Variants in PDZK1 observed in about 807,000 individuals in gnomAD.
PDZK1 encodes PDZ domain containing 1, also known as Na(+)/H(+) exchange regulatory cofactor NHE-RF3.
In PDZK1, 23 loss-of-function variants were observed where a neutral mutation model predicts 38.1. The ratio of observed to expected loss-of-function variants is 0.60; its 90% CI spans 0.43 to 0.85. The LOEUF is 0.85. PDZK1 is among the 40% of genes least tolerant of loss of function. The probability of loss-of-function intolerance (pLI) is 0.00; values close to 1 mark genes in which losing one functional copy is unlikely to be tolerated. For synonymous variants in PDZK1, 98 were observed against 186.2 expected (o/e 0.53, Z 3.86); for missense variants, 297 against 504.3 (o/e 0.59, Z 3.94).
At chr1:145,697,104 G>A (rs1209798771) in intron 1 of PDZK1, among the ~76,000 whole-genome samples, 1 of 152,196 alleles carries the variant, frequency 6.6e-6, no homozygotes, top group Non-Finnish European at 1.5e-5. Context: ...GAGGCGGGTA[G>A]ATCATTTGAG....
At position 145,671,341 on chromosome 1, in the gene PDZK1, G is replaced by A. The variant is rs2101857884; in HGVS notation, c.*95C>T. ...GTGGAGTTTTTCTTCTAAAGAGACA[G>A]TAAACAGGTCACAACTCATTCCTTG... is the stretch of plus-strand genomic sequence containing the variant. On this transcript the variant is annotated 3_prime_UTR_variant, in exon 9 of 9. Coordinates refer to ENST00000417171, the MANE Select transcript of PDZK1 (RefSeq NM_001201325.2). The A allele has an allele frequency of 6.3e-7, 1 of 1,594,448 alleles. No homozygotes were observed. The highest frequency in any genetic ancestry group is 8.6e-7 in the Non-Finnish European group (1 of 1,168,792).
At chr1:145,699,213 G>A (rs1553704651) in intron 1 of PDZK1, among the ~76,000 whole-genome samples, 1 of 151,852 alleles carries the variant, frequency 6.6e-6, no homozygotes, top group Non-Finnish European at 1.5e-5. Context: ...ACTCCAGCCT[G>A]GGCAACGAGT....
intron 3 of PDZK1, among the ~76,000 whole-genome samples, chr1:145,686,023 T>G (rs1219977801): frequency 1.3e-5 from 2 of 152,276 alleles, no homozygotes; most frequent in African/African-American, 4.8e-5. Context: ...AAGAATTTGT[T>G]GAATAAATGA....
Position 145,674,897 on chromosome 1 carries a change from G to A in PDZK1, c.991-1016C>T, listed in dbSNP as rs587663194. ...TTTTATCACTATCCAAAGATTCAAA[G>A]CTACTAGAAGAGACCAACCCATATA... On this transcript the variant is annotated intron_variant, in intron 6 of 8. Transcript: ENST00000417171. Among the ~76,000 whole-genome samples the A allele has an allele frequency of 1.2e-4, 18 of 152,180 alleles. No individual in the cohort carries two copies. In the South Asian group the frequency reaches 3.5e-3, roughly 30 times the overall value.
At chr1:145,700,585 A>G (rs1655901612) in intron 1 of PDZK1, among the ~76,000 whole-genome samples, 1 of 152,200 alleles carries the variant, frequency 6.6e-6, no homozygotes, top group African/African-American at 2.4e-5. Flanking sequence ...AAGATCAGAG[A>G]GAGGGCATGG....
At chr1:145,690,026 G>A (rs1479668286) in intron 1 of PDZK1, among the ~76,000 whole-genome samples, 1 of 152,204 alleles carries the variant, frequency 6.6e-6, no homozygotes, top group African/African-American at 2.4e-5. Flanking sequence ...GAGCATTGAG[G>A]CAAGAAAACA....
intron 6 of PDZK1, among the ~76,000 whole-genome samples, chr1:145,675,216 A>C (rs1450155492): frequency 1.3e-5 from 2 of 149,410 alleles, no homozygotes; most frequent in African/African-American, 2.6e-5. Flanking sequence ...ATTTTTTTGT[A>C]ATAGAATTAC....
chr1:145,685,227 G>C (rs1315724055), intron 3 of PDZK1, among the ~76,000 whole-genome samples: 1 of 151,736 alleles, frequency 6.6e-6, no homozygotes, highest in East Asian at 2.0e-4. Context: ...GATAAGGGGG[G>C]ACTCTTGTAT....
intron 1 of PDZK1, among the ~76,000 whole-genome samples, chr1:145,697,951 T>A (rs1655733615): frequency 6.6e-6 from 1 of 151,682 alleles, no homozygotes; most frequent in Admixed American, 6.6e-5. Flanking sequence ...AAGGAAACGA[T>A]CAGCATGTTT....
intron 1 of PDZK1, among the ~76,000 whole-genome samples, chr1:145,706,760 G>A (rs587615872): frequency 1.3e-5 from 2 of 152,206 alleles, no homozygotes; most frequent in South Asian, 4.2e-4. Flanking sequence ...GTGAGAGCCT[G>A]GGGAATGTAT....
chr1:145,679,168 CT>C (rs58403818), intron 5 of PDZK1, among the ~76,000 whole-genome samples: 331 of 136,858 alleles, frequency 2.4e-3, no homozygotes, highest in East Asian at 5.2e-3. Context: ...CAGATGCTGC[CT>C]TTTTTTTTTT....
Position 145,686,663 on chromosome 1 carries a change from A to T in PDZK1, c.274T>A (p.Tyr92Asn). ...ACCCGTGTTTTCACTGCTTTCTCATAGGAATCCCCATCCAGAACTAGTAAA... is the reference window on the plus strand; with the variant it reads ...ACCCGTGTTTTCACTGCTTTCTCATTGGAATCCCCATCCAGAACTAGTAAA... ...VTLLVLDGDSYEKAVKTRVDL... is the reference protein window; with the variant it reads ...VTLLVLDGDSNEKAVKTRVDL... The change falls in exon 3 of 9, where the codon TAT (tyrosine) becomes AAT (asparagine). Residue 92 changes from tyrosine (Y) to asparagine (N), a missense_variant. Transcript: ENST00000417171. 1.9e-6 allele frequency: 3 copies of T among 1,583,440 alleles called. No homozygotes were observed. The highest frequency in any genetic ancestry group is 1.3e-5 in the African/African-American group (1 of 74,210).
At chr1:145,692,092 C>G (rs1324845990) in intron 1 of PDZK1, among the ~76,000 whole-genome samples, 1 of 151,924 alleles carries the variant, frequency 6.6e-6, no homozygotes, top group African/African-American at 2.4e-5. Context: ...CAAGAAGAAA[C>G]ATTAAATACC....
intron 2 of PDZK1, 136 bp downstream of exon 2, chr1:145,687,676 A>G: frequency 1.4e-6 from 1 of 706,476 alleles, no homozygotes; most frequent in Non-Finnish European, 2.5e-6. Context: ...CACAAGGTAC[A>G]GCAATAAAGG....
intron 1 of PDZK1, among the ~76,000 whole-genome samples, chr1:145,706,247 T>G (rs1203981894): frequency 6.6e-6 from 1 of 152,204 alleles, no homozygotes; most frequent in African/African-American, 2.4e-5. Context: ...GAGAAGTAGC[T>G]GCCTAGCCAG....
intron 4 of PDZK1, 125 bp from the exon 5 acceptor site, chr1:145,681,232 G>C (rs1654216137): frequency 2.2e-6 from 1 of 448,798 alleles, no homozygotes; most frequent in African/African-American, 2.4e-5. Flanking sequence ...TGAAAGGCCT[G>C]AGTTTAAGCT....
chr1:145,694,226 A>G (rs1476431643), intron 1 of PDZK1, among the ~76,000 whole-genome samples: 2 of 151,990 alleles, frequency 1.3e-5, no homozygotes, highest in Admixed American at 1.3e-4. Flanking sequence ...CCTCCTCCAA[A>G]CCTATGGGCA....
Position 145,688,120 on chromosome 1 carries a change from T to A in PDZK1, c.-2-97A>T. 3.8e-6 allele frequency: 4 copies of A among 1,059,326 alleles called. No individual in the cohort carries two copies. The South Asian group carries it at 3.9e-5, about 10-fold the overall frequency. 65.6% of individuals were successfully genotyped at this position (1,059,326 alleles called of 1,614,324 possible). On this transcript the variant is annotated intron_variant, in intron 1 of 8. Coordinates refer to ENST00000417171, the MANE Select transcript of PDZK1 (RefSeq NM_001201325.2). ...ATCTCCTATAATTCTGTTCTTCCAA[T>A]CACCAAATCTAGACTGCTTGGGTAG...
At chr1:145,685,745 C>G (rs587683252) in intron 3 of PDZK1, among the ~76,000 whole-genome samples, 2 of 152,328 alleles carry the variant, frequency 1.3e-5, no homozygotes, top group East Asian at 3.9e-4. Context: ...CACAGCTCCT[C>G]TGGTTCCAAC....
Sources: gnomAD v4.1 joint callset for allele counts (sites outside exome capture counted in the v4.1 genomes callset) on GRCh38, gnomAD v4.1.1 for gene constraint, MANE v1.5 for transcripts, NCBI Gene and HGNC (gene_info 2026-07-23, HGNC 2026-07-21) for gene names.